The following PPP2R3A variants were observed in gnomAD, a reference collection of about 807,000 sequenced individuals.
The protein encoded by PPP2R3A is serine/threonine-protein phosphatase 2A regulatory subunit B'' subunit alpha.
PPP2R3A carries 80 observed loss-of-function variants against 106.9 expected under a neutral mutation model. The ratio of observed to expected loss-of-function variants is 0.75; its 90% confidence interval spans 0.62 to 0.90. PPP2R3A has a LOEUF of 0.90. Ranked by LOEUF, PPP2R3A falls within the 40% of genes least tolerant of loss-of-function variation. The pLI is 0.00. For synonymous variants in PPP2R3A, 483 were observed against 468.3 expected (o/e 1.03, Z -0.41); for missense variants, 1,386 against 1,350.4 (o/e 1.03, Z -0.41).
intron 2 of PPP2R3A, chr3:136,022,963 TA>T (rs1934515818): frequency 6.5e-7 from 1 of 1,547,040 alleles, no homozygotes; most frequent in Non-Finnish European, 8.7e-7. Flanking sequence ...CTTTGGGAGA[TA>T]AGAAGAAAAA....
At chr3:136,030,416 C>T (rs1204665462) in intron 3 of PPP2R3A, among the ~76,000 whole-genome samples, 3 of 151,406 alleles carry the variant, frequency 2.0e-5, no homozygotes, top group Non-Finnish European at 2.9e-5. Flanking sequence ...ATTTTATTTC[C>T]ATGGTTTGTT....
chr3:136,042,761 C>G, intron 4 of PPP2R3A, among the ~76,000 whole-genome samples: 1 of 152,086 alleles, frequency 6.6e-6, no homozygotes, highest in Non-Finnish European at 1.5e-5. Context: ...ATAAGTGTGT[C>G]TCTAAATTAA....
rs1207554921 is a variant in PPP2R3A, at chr3:136,102,263, T to C, written c.3103+81T>C. On this transcript the variant is annotated intron_variant, in intron 11 of 13. Coordinates refer to ENST00000264977, the MANE Select transcript of PPP2R3A (RefSeq NM_002718.5). ...AAGAATCCTAGATTGTCCTAAATTA[T>C]TTAACATTTCAGAGTCTTGATAGAA... The C allele has an allele frequency of 3.4e-6, 5 of 1,462,444 alleles. No individual in the cohort carries two copies. In the African/African-American group the frequency reaches 7.0e-5, roughly 20 times the overall value. 90.6% of individuals were successfully genotyped at this position (1,462,444 alleles called of 1,614,324 possible).
rs560571039 is a variant in PPP2R3A at position 136,013,796 on chromosome 3, C to T, written c.1995+10303C>T. Among the ~76,000 whole-genome samples the T allele has an allele frequency of 2.3e-3, 255 of 112,118 alleles. 1 individual carries two copies. The highest frequency in any genetic ancestry group is 4.5e-3 in the Non-Finnish European group (208 of 46,052). 73.6% of individuals were successfully genotyped at this position (112,118 alleles called of 152,430 possible). A position where few individuals can be genotyped will look rare whatever the true frequency, so the allele number is the denominator to read the frequency against. On this transcript the variant is annotated intron_variant, in intron 2 of 13. Coordinates refer to ENST00000264977, the MANE Select transcript of PPP2R3A (RefSeq NM_002718.5). ...CATAGTTTACAAAGATTTTCTTCCACGCTGTGGTTTGTTATTTCTTTTGCT... is the reference window on the plus strand; with the variant it reads ...CATAGTTTACAAAGATTTTCTTCCATGCTGTGGTTTGTTATTTCTTTTGCT...
rs964913881 is a variant in PPP2R3A, at chr3:136,145,915, C to A, written c.*749C>A. ...TGGAAAAAGCCCTTTTAACTTTTAT[C>A]TTTTATTCATTGAACTATTGAATGA... On this transcript the variant is annotated 3_prime_UTR_variant, in exon 14 of 14. Transcript: ENST00000264977. The A allele has an allele frequency of 6.6e-6, 1 of 152,128 alleles. No individual in the cohort carries two copies. Among genetic ancestry groups the A allele is most frequent in the African/African-American group, 2.4e-5 (1 of 41,416 alleles). 9.4% of individuals were successfully genotyped at this position (152,128 alleles called of 1,614,324 possible).
intron 2 of PPP2R3A, among the ~76,000 whole-genome samples, chr3:136,016,739 T>C (rs1934281806): frequency 6.6e-6 from 1 of 152,210 alleles, no homozygotes; most frequent in African/African-American, 2.4e-5. Context: ...AGACAGCAGA[T>C]ACTTGGTTGG....
chr3:136,042,480 G>A (rs1222099561), intron 4 of PPP2R3A, among the ~76,000 whole-genome samples: 2 of 152,192 alleles, frequency 1.3e-5, no homozygotes, highest in Non-Finnish European at 2.9e-5. Context: ...TCCTGCGCAT[G>A]TACCTTGGAA....
chr3:135,969,773 T>C (rs954077000), intron 1 of PPP2R3A, among the ~76,000 whole-genome samples: 1 of 152,210 alleles, frequency 6.6e-6, no homozygotes, highest in Admixed American at 6.5e-5. Flanking sequence ...AATCTGAAGA[T>C]TTCTCATGAA....
intron 3 of PPP2R3A, among the ~76,000 whole-genome samples, chr3:136,030,459 G>A (rs983465947): frequency 2.0e-5 from 3 of 151,954 alleles, no homozygotes; most frequent in African/African-American, 7.3e-5. Flanking sequence ...ACACGAGTAA[G>A]TTCTTTAGTG....
chr3:136,010,258 C>CTTTTTTTTTTTTTTTTTTTT (rs35997478), intron 2 of PPP2R3A, among the ~76,000 whole-genome samples: 1 of 121,302 alleles, frequency 8.2e-6, no homozygotes, highest in Non-Finnish European at 1.7e-5. Flanking sequence ...TTCTTTCTTT[C>CTTTTTTTTTTTTTTTTTTTT]TTTTTTTTTT....
At chr3:136,101,980 A>G in intron 10 of PPP2R3A, 27 bp from the exon 11 acceptor site, 1 of 1,599,320 alleles carries the variant, frequency 6.3e-7, no homozygotes. Flanking sequence ...TACCAGGCCC[A>G]TGATAATGAT....
intron 3 of PPP2R3A, among the ~76,000 whole-genome samples, chr3:136,033,746 C>T (rs1349284576): frequency 2.0e-5 from 3 of 152,008 alleles, no homozygotes; most frequent in Admixed American, 2.0e-4. Context: ...TGTTTTGTTT[C>T]TTATTGAGCT....
At chr3:136,136,402 CCTTAT>C (rs1028192742) in intron 13 of PPP2R3A, among the ~76,000 whole-genome samples, 3 of 152,016 alleles carry the variant, frequency 2.0e-5, no homozygotes, top group African/African-American at 7.3e-5. Flanking sequence ...GCATTCTATC[CCTTAT>C]CTTGTTCCCT....
intron 13 of PPP2R3A, among the ~76,000 whole-genome samples, chr3:136,116,180 A>G (rs1041389759): frequency 3.3e-5 from 5 of 152,198 alleles, no homozygotes; most frequent in African/African-American, 4.8e-5. Flanking sequence ...TCCTTTACAG[A>G]CAAGCAAATG....
At chr3:136,011,994 T>TACACACACACACACACAC (rs35643220) in intron 2 of PPP2R3A, among the ~76,000 whole-genome samples, 2 of 148,170 alleles carry the variant, frequency 1.3e-5, no homozygotes, top group Admixed American at 1.3e-4. Flanking sequence ...CACACACACA[T>TACACACACACACACACAC]ACACACACAC....
chr3:136,076,721 G>A (rs1936608365), intron 6 of PPP2R3A, among the ~76,000 whole-genome samples: 1 of 152,166 alleles, frequency 6.6e-6, no homozygotes, highest in Non-Finnish European at 1.5e-5. Flanking sequence ...GGCCGAGGCG[G>A]GTGGATCACA....
At position 136,078,370 on chromosome 3, in the gene PPP2R3A, A is replaced by G. The variant is rs1394021966; in HGVS notation, c.2548A>G (p.Ile850Val). ...EFHSRYITTV[I>V]QRIFYTVNRS... ...TTTATTTTCCTTTTGGAACCAGGTT[A>G]TTCAGAGAATATTCTACACAGTCAA... The change falls in exon 7 of 14, where the codon ATT becomes GTT. Residue 850 changes from isoleucine (I) to valine (V), a missense_variant. By Grantham distance (29) the Ile-to-Val change is conservative (BLOSUM62 3). Coordinates refer to ENST00000264977, the MANE Select transcript of PPP2R3A (RefSeq NM_002718.5). 4 of 1,599,044 alleles carry G rather than the reference A, an allele frequency of 2.5e-6. No individual in the cohort carries two copies. Among genetic ancestry groups the G allele is most frequent in the Non-Finnish European group, 3.4e-6 (4 of 1,169,828 alleles).
chr3:136,022,134 CAAAG>C (rs971468812), intron 2 of PPP2R3A, among the ~76,000 whole-genome samples: 1 of 152,074 alleles, frequency 6.6e-6, no homozygotes, highest in African/African-American at 2.4e-5. Context: ...TAAAGCTTCT[CAAAG>C]GAAGAAAACT....
chr3:135,991,607 C>T (rs904928085), intron 1 of PPP2R3A, among the ~76,000 whole-genome samples: 12 of 152,172 alleles, frequency 7.9e-5, no homozygotes, highest in Non-Finnish European at 1.6e-4. Context: ...AAATAGTTCT[C>T]TGGTAAAATG....
Sources: allele counts gnomAD v4.1 joint callset (sites outside exome capture counted in the v4.1 genomes callset), GRCh38; gene constraint gnomAD v4.1.1; transcripts MANE v1.5; gene names NCBI Gene and HGNC (gene_info 2026-07-23, HGNC 2026-07-21).